The following EFL1 variants were observed in gnomAD, a reference collection of about 807,000 sequenced individuals.
EFL1 encodes elongation factor-like GTPase 1.
EFL1 carries 76 observed loss-of-function variants against 126.7 expected under a neutral mutation model. The observed-to-expected ratio is 0.60, with a 90% CI of 0.50 to 0.73. The LOEUF is 0.73. Ranked by LOEUF, EFL1 falls within the 30% of genes least tolerant of loss-of-function variation. The pLI is 0.00. For synonymous variants in EFL1, 410 were observed against 448.4 expected, an observed-to-expected ratio of 0.91 and a Z score of 1.08; for missense variants, 1,128 against 1,343.2, an observed-to-expected ratio of 0.84 and a Z score of 2.50.
chr15:82,240,183 G>A (rs2074916488), intron 6 of EFL1, among the ~76,000 whole-genome samples: 1 of 152,180 alleles, frequency 6.6e-6, no homozygotes, highest in Non-Finnish European at 1.5e-5. Context: ...CCAAGATACA[G>A]TTTTAAACAA....
chr15:82,201,669 T>G (rs1198287524), intron 15 of EFL1, among the ~76,000 whole-genome samples: 2 of 142,058 alleles, frequency 1.4e-5, no homozygotes, highest in Admixed American at 7.2e-5. Context: ...GAAGAACATA[T>G]GCCCATTTTT....
chr15:82,238,563 C>CA (rs940324043), intron 6 of EFL1, 42 bp from the exon 7 acceptor site: 1 of 1,491,994 alleles, frequency 6.7e-7, no homozygotes, highest in African/African-American at 1.4e-5. Context: ...TTCAGATGCT[C>CA]AGCATGCTCA....
In EFL1 at chr15:82,178,700, G is replaced by A. The variant is rs115630620; in HGVS notation, c.1751-14716C>T. On this transcript the variant is annotated intron_variant, in intron 15 of 19. Transcript: ENST00000268206. Reference sequence around the variant, plus strand: ...ATGCCTGGTTTCTTCTCCCTTAGGAGGAATTTCATTCCAGGAGGTATCCCA... The same window carrying A: ...ATGCCTGGTTTCTTCTCCCTTAGGAAGAATTTCATTCCAGGAGGTATCCCA... Among the ~76,000 whole-genome samples, 999 of 152,278 alleles carry A rather than the reference G, an allele frequency of 6.6e-3. 8 individuals carry two copies. The highest frequency in any genetic ancestry group is 0.022 in the African/African-American group (934 of 41,548).
At chr15:82,250,698 C>G (rs2075013002) in intron 4 of EFL1, among the ~76,000 whole-genome samples, 1 of 152,030 alleles carries the variant, frequency 6.6e-6, no homozygotes, top group Admixed American at 6.5e-5. Context: ...CAGTGGAGTT[C>G]CAGAGGAAGG....
intron 15 of EFL1, among the ~76,000 whole-genome samples, chr15:82,180,359 C>CAAAACAAAAAAACAAA (rs539712919): frequency 8.3e-6 from 1 of 120,608 alleles, no homozygotes. Context: ...ATTAAACTGG[C>CAAAACAAAAAAACAAA]AAAAAAAAAA....
chr15:82,170,271 C>T (rs942661881), intron 15 of EFL1, among the ~76,000 whole-genome samples: 35 of 151,644 alleles, frequency 2.3e-4, no homozygotes, highest in African/African-American at 8.2e-4. Context: ...CCCGCCACTA[C>T]GCCCGGCTAA....
chr15:82,197,032 A>T (rs1429288575), intron 15 of EFL1, among the ~76,000 whole-genome samples: 23 of 140,604 alleles, frequency 1.6e-4, no homozygotes, highest in East Asian at 1.6e-3. Context: ...ACTCCAACTT[A>T]AAAAAAAAAA....
chr15:82,171,885 A>T (rs1186350095), intron 15 of EFL1, among the ~76,000 whole-genome samples: 1 of 152,024 alleles, frequency 6.6e-6, no homozygotes, highest in Admixed American at 6.6e-5. Flanking sequence ...ATATATACAC[A>T]CACACACACA....
chr15:82,181,726 T>C (rs748790107), intron 15 of EFL1, among the ~76,000 whole-genome samples: 3 of 152,062 alleles, frequency 2.0e-5, no homozygotes, highest in Non-Finnish European at 4.4e-5. Flanking sequence ...AACGTGACAC[T>C]GTGCCTCCAT....
In EFL1 at chr15:82,163,985, C is replaced by T; in HGVS notation, c.1751-1G>A. 6.2e-7 allele frequency: 1 copy of T among 1,613,378 alleles called. No homozygotes were observed. The highest frequency in any genetic ancestry group is 8.5e-7 in the Non-Finnish European group (1 of 1,179,744). On this transcript the variant is annotated splice_acceptor_variant, in intron 15 of 19. Coordinates refer to ENST00000268206, the MANE Select transcript of EFL1 (RefSeq NM_024580.6). LOFTEE classifies it high-confidence loss of function. Reference sequence around the variant, plus strand: ...ACAAAATCTTGAAGGCCTCCTATTCCTGTAGGAAGAAAAGATCCATACGGT... The same window carrying T: ...ACAAAATCTTGAAGGCCTCCTATTCTTGTAGGAAGAAAAGATCCATACGGT...
rs148871339 is a variant in EFL1 at position 82,212,442 on chromosome 15, C to T, written c.1750+2275G>A. ...GCCATAAAACTAGTTAGTGGCAATA[C>T]TATGGCCAGAATTTTGGTATACTCA... On this transcript the variant is annotated intron_variant, in intron 15 of 19. Transcript: ENST00000268206. Among the ~76,000 whole-genome samples, 1,055 of 152,344 alleles carry T rather than the reference C, an allele frequency of 6.9e-3. 14 individuals carry two copies. The highest frequency in any genetic ancestry group is 0.024 in the African/African-American group (1,007 of 41,578).
intron 15 of EFL1, among the ~76,000 whole-genome samples, chr15:82,210,119 A>G (rs1436535646): frequency 6.6e-6 from 1 of 152,236 alleles, no homozygotes; most frequent in African/African-American, 2.4e-5. Context: ...GATCACTATG[A>G]ACATCTCTTT....
chr15:82,154,417 AG>A (rs2073945291), intron 17 of EFL1, among the ~76,000 whole-genome samples: 1 of 152,214 alleles, frequency 6.6e-6, no homozygotes. Context: ...AAGTTGAAAA[AG>A]ATTATATACT....
chr15:82,170,106 CTTTTTTT>C lies in EFL1; in HGVS notation c.1751-6129_1751-6123del, dbSNP rs760955432. On this transcript the variant is annotated intron_variant, in intron 15 of 19. Coordinates refer to ENST00000268206, the MANE Select transcript of EFL1 (RefSeq NM_024580.6). ...GTGTGGAAATGGCACCACTGGATGT[CTTTTTTT>C]TTTTTTTTTTTTTTTTTTTGAGACG... Among the ~76,000 whole-genome samples the C allele has an allele frequency of 1.8e-4, 14 of 78,880 alleles. No individual in the cohort carries two copies. In the East Asian group the frequency reaches 4.1e-3, roughly 23 times the overall value. 51.7% of individuals were successfully genotyped at this position (78,880 alleles called of 152,430 possible).
chr15:82,131,945 C>T (rs1374839144), intron 19 of EFL1, among the ~76,000 whole-genome samples: 1 of 151,954 alleles, frequency 6.6e-6, no homozygotes, highest in East Asian at 1.9e-4. Flanking sequence ...AGTCAAGAGC[C>T]ATCAAGTATG....
At chr15:82,228,095 A>C in intron 10 of EFL1, 96 bp downstream of exon 10, 1 of 1,432,620 alleles carries the variant, frequency 7.0e-7, no homozygotes, top group South Asian at 1.5e-5. Context: ...TTTGGATTGA[A>C]TGTTATTTCC....
intron 18 of EFL1, 94 bp downstream of exon 18, chr15:82,151,371 G>T: frequency 1.6e-6 from 2 of 1,237,698 alleles, no homozygotes; most frequent in Non-Finnish European, 1.1e-6. Flanking sequence ...TGGGGCGACA[G>T]AATGAGACCC....
intron 15 of EFL1, among the ~76,000 whole-genome samples, chr15:82,169,766 A>G (rs2074114798): frequency 6.6e-6 from 1 of 152,164 alleles, no homozygotes; most frequent in South Asian, 2.1e-4. Flanking sequence ...TAATTGATAA[A>G]CAGTTATTCA....
intron 15 of EFL1, among the ~76,000 whole-genome samples, chr15:82,177,276 G>A (rs1192417482): frequency 6.6e-6 from 1 of 152,166 alleles, no homozygotes; most frequent in Non-Finnish European, 1.5e-5. Context: ...GGTATTTTAA[G>A]TGTTTCTGAG....
Sources: allele counts gnomAD v4.1 joint callset (sites outside exome capture counted in the v4.1 genomes callset), GRCh38; gene constraint gnomAD v4.1.1; transcripts MANE v1.5; gene names NCBI Gene and HGNC (gene_info 2026-07-23, HGNC 2026-07-21).